The following RREB1 variants were observed in gnomAD, a reference collection of about 807,000 sequenced individuals.
The protein encoded by RREB1 is ras responsive element binding protein 1, also known as ras-responsive element-binding protein 1.
A neutral mutation model predicts 117.8 loss-of-function variants in RREB1; 27 were observed. That is an observed-to-expected ratio of 0.23 (90% CI 0.17 to 0.32). The LOEUF is 0.32. RREB1 is among the 10% of genes least tolerant of loss of function. The pLI, the probability that RREB1 is intolerant of heterozygous loss-of-function variation, is 1.00. For missense variants in RREB1, 2,577 were observed against 2,378.2 expected (o/e 1.08, Z -1.74); for synonymous variants, 1,298 against 1,026.7 (o/e 1.26, Z -5.05).
At chr6:7,160,043 A>C (rs577689349) in intron 1 of RREB1, among the ~76,000 whole-genome samples, 4 of 152,296 alleles carry the variant, frequency 2.6e-5, no homozygotes, top group Admixed American at 2.6e-4. Flanking sequence ...GCACTGAGCT[A>C]CAGACTAAAG....
At chr6:7,115,791 T>A (rs1761370918) in intron 1 of RREB1, among the ~76,000 whole-genome samples, 1 of 152,146 alleles carries the variant, frequency 6.6e-6, no homozygotes, top group South Asian at 2.1e-4. Flanking sequence ...TGCAAGTACC[T>A]TACCCTGCAG....
rs780372991 is a variant in RREB1 at position 7,110,494 on chromosome 6, G to GTGTGTGTGTGTA, written c.-285+2437_-285+2438insGTGTGTGTATGT. 8.7e-4 allele frequency among the ~76,000 whole-genome samples: 132 copies of GTGTGTGTGTGTA among 152,220 alleles called. 1 individual carries two copies. The highest frequency in any genetic ancestry group is 3.0e-3 in the African/African-American group (126 of 41,500). Reference sequence around the variant, plus strand: ...TTTTAGGGGTGGTGTGTGTGTGTGTGTGTATGTGTTTACCTCCGCCCTTTG... The same window carrying GTGTGTGTGTGTA: ...TTTTAGGGGTGGTGTGTGTGTGTGTGTGTGTGTGTGTATGTATGTGTTTACCTCCGCCCTTTG... On this transcript the variant is annotated intron_variant, in intron 1 of 12. Transcript: ENST00000379938.
At chr6:7,109,413 G>A (rs1761025334) in intron 1 of RREB1, among the ~76,000 whole-genome samples, 1 of 151,814 alleles carries the variant, frequency 6.6e-6, no homozygotes, top group Non-Finnish European at 1.5e-5. Flanking sequence ...GTGTTTTCTG[G>A]ACCGGGCCAA....
chr6:7,240,129 G>A lies in RREB1; in HGVS notation c.3809-309G>A, dbSNP rs551300904. On this transcript the variant is annotated intron_variant, in intron 10 of 12. Coordinates refer to ENST00000379938, the MANE Select transcript of RREB1 (RefSeq NM_001003699.4). The stretch of plus-strand genomic sequence containing the variant: ...GCTGTGCTCTAAAATCTCTTCATTC[G>A]CTTTTTTTTGTTGTCGTTAATATTT... 2.0e-5 allele frequency among the ~76,000 whole-genome samples: 3 copies of A among 152,016 alleles called. No homozygotes were observed. In the South Asian group the frequency reaches 6.2e-4, roughly 32 times the overall value.
At chr6:7,195,985 C>G (rs1230058971) in intron 6 of RREB1, among the ~76,000 whole-genome samples, 1 of 152,208 alleles carries the variant, frequency 6.6e-6, no homozygotes, top group African/African-American at 2.4e-5. Context: ...GGCTTGATTC[C>G]ACAAGGCTGG....
intron 6 of RREB1, among the ~76,000 whole-genome samples, chr6:7,210,110 T>C (rs529118019): frequency 1.3e-5 from 2 of 152,374 alleles, no homozygotes; most frequent in East Asian, 3.9e-4. Flanking sequence ...TAAGACTCTC[T>C]TTTTGGAGTA....
rs142150270 is a variant in RREB1, at chr6:7,229,311, C to G, written c.1212C>G (p.Pro404=). Residue 404 remains proline (P), a synonymous_variant, in exon 10 of 13, where the codon CCC becomes CCG. Coordinates refer to ENST00000379938, the MANE Select transcript of RREB1 (RefSeq NM_001003699.4). The surrounding 1 kb of genome is among the most constrained non-coding windows in gnomAD (Gnocchi z 4.5). ...TCAAGTGTCAGCTACCTCAGGACCC[C>G]GGCTGCACCAACCTGCTGAGCCTGT... is the stretch of plus-strand genomic sequence containing the variant. ...QTLKCQLPQD[P]GCTNLLSLSP... 9 of 1,614,198 alleles carry G rather than the reference C, an allele frequency of 5.6e-6. No homozygotes were observed. The African/African-American group carries it at 8.0e-5, about 14-fold the overall frequency.
At chr6:7,141,935 C>T (rs1008495085) in intron 1 of RREB1, among the ~76,000 whole-genome samples, 5 of 152,218 alleles carry the variant, frequency 3.3e-5, no homozygotes, top group African/African-American at 4.8e-5. Context: ...CGGTGGCCCT[C>T]GCCCATAGGC....
At chr6:7,216,955 ACT>A (rs1159584251) in intron 8 of RREB1, 6 of 152,380 alleles carry the variant, frequency 3.9e-5, no homozygotes, top group Admixed American at 3.3e-4. Context: ...AGTCCCTCAG[ACT>A]CTGCCCAGTG....
intron 11 of RREB1, among the ~76,000 whole-genome samples, chr6:7,243,516 C>G (rs536661260): frequency 6.6e-6 from 1 of 152,066 alleles, no homozygotes; most frequent in Non-Finnish European, 1.5e-5. Context: ...GTGTTGAGGG[C>G]GGGGATTTAT....
chr6:7,248,014 G>C (rs958721247), intron 12 of RREB1, among the ~76,000 whole-genome samples: 1 of 152,224 alleles, frequency 6.6e-6, no homozygotes, highest in Admixed American at 6.5e-5. Flanking sequence ...CTCAGAAGAG[G>C]GATATTCTTG....
intron 1 of RREB1, among the ~76,000 whole-genome samples, chr6:7,170,951 GACTC>G (rs1261156589): frequency 3.9e-5 from 6 of 152,122 alleles, no homozygotes; most frequent in African/African-American, 1.4e-4. Context: ...GAGGGTTTCT[GACTC>G]GGTAGGTCTG....
intron 1 of RREB1, among the ~76,000 whole-genome samples, chr6:7,133,375 A>G (rs1762231363): frequency 6.6e-6 from 1 of 152,174 alleles, no homozygotes; most frequent in Admixed American, 6.5e-5. Flanking sequence ...ATAATCCACC[A>G]AGAGCCAATA....
intron 6 of RREB1, among the ~76,000 whole-genome samples, chr6:7,190,058 T>C (rs1044214075): frequency 3.3e-5 from 5 of 152,206 alleles, no homozygotes; most frequent in African/African-American, 1.2e-4. Context: ...TTTATATAAC[T>C]ACTATAAAAT....
Position 7,247,211 on chromosome 6 carries a change from C to T in RREB1, c.4761C>T (p.Arg1587=). Residue 1587 remains arginine (R), a synonymous_variant, in exon 12 of 13, where the codon CGC becomes CGT. Transcript: ENST00000379938. Reference sequence around the variant, plus strand: ...TGCAGGACCTGACCCGGCACATGCGCTCCCACACAGGTAACCAGGGCAGGC... The same window carrying T: ...TGCAGGACCTGACCCGGCACATGCGTTCCCACACAGGTAACCAGGGCAGGC... ...WSLQDLTRHM[R]SHTGERPYKC... 6.2e-7 allele frequency: 1 copy of T among 1,612,884 alleles called. No homozygotes were observed. The highest frequency in any genetic ancestry group is 8.5e-7 in the Non-Finnish European group (1 of 1,179,500).
chr6:7,189,472 C>CT lies in RREB1; in HGVS notation c.425+151dup. 3 of 743,732 alleles carry CT rather than the reference C, an allele frequency of 4.0e-6. No homozygotes were observed. In the South Asian group the frequency reaches 6.2e-5, roughly 15 times the overall value. The allele number at this position is 743,732 out of a possible 1,614,324, so 46.1% of individuals were successfully genotyped here. A position where few individuals can be genotyped will look rare whatever the true frequency, so the allele number is the denominator to read the frequency against. Reference sequence around the variant, plus strand: ...TGTATGGAAAAACCAGAGATGCACACTATCTCTGGGGTATTAGAGGTGAAG... The same window carrying CT: ...TGTATGGAAAAACCAGAGATGCACACTTATCTCTGGGGTATTAGAGGTGAAG... On this transcript the variant is annotated intron_variant, in intron 6 of 12. Transcript: ENST00000379938.
intron 1 of RREB1, among the ~76,000 whole-genome samples, chr6:7,147,635 C>T (rs1762932445): frequency 6.6e-6 from 1 of 152,240 alleles, no homozygotes; most frequent in African/African-American, 2.4e-5. Context: ...AAGCCCCTCT[C>T]TGTCTGCCTC....
At chr6:7,240,727 C>A in intron 11 of RREB1, 125 bp downstream of exon 11, 1 of 784,434 alleles carries the variant, frequency 1.3e-6, no homozygotes, top group Non-Finnish European at 2.0e-6. Context: ...GGATTCAGAG[C>A]CCACAGCCTG....
chr6:7,188,252 T>TGTGTGTGTGTGTGTGTGTGTGTGTGC (rs1411771705), intron 5 of RREB1, among the ~76,000 whole-genome samples: 2 of 147,582 alleles, frequency 1.4e-5, no homozygotes, highest in African/African-American at 5.0e-5. Flanking sequence ...TGTGTGTGTG[T>TGTGTGTGTGTGTGTGTGTGTGTGTGC]GCGCGCGCGC....
Sources: allele counts gnomAD v4.1 joint callset (sites outside exome capture counted in the v4.1 genomes callset), GRCh38; gene constraint gnomAD v4.1.1; non-coding constraint Gnocchi (gnomAD v3.1); transcripts MANE v1.5; gene names NCBI Gene and HGNC (gene_info 2026-07-23, HGNC 2026-07-21).